The following FAM53B variants were observed in gnomAD, a reference collection of about 807,000 sequenced individuals.
FAM53B encodes the protein family with sequence similarity 53 member B.
A neutral mutation model predicts 32.7 loss-of-function variants in FAM53B; 12 were observed. That is an observed-to-expected ratio of 0.37 (90% CI 0.24 to 0.59). The LOEUF (loss-of-function observed/expected upper bound fraction) is 0.59. Among genes scored for constraint, FAM53B ranks in the 20% least tolerant of loss-of-function variants. The pLI, the probability that FAM53B is intolerant of heterozygous loss-of-function variation, is 0.72. For synonymous variants in FAM53B, 234 were observed against 228.7 expected (o/e 1.02, Z -0.21); for missense variants, 477 against 577.7 (o/e 0.83, Z 1.79).
At position 124,646,511 on chromosome 10, in the gene FAM53B, C is replaced by T. The variant is rs1949516222; in HGVS notation, c.907-22907G>A. 3.3e-5 allele frequency among the ~76,000 whole-genome samples: 5 copies of T among 152,344 alleles called. No individual in the cohort carries two copies. In the South Asian group the frequency reaches 1.0e-3, roughly 32 times the overall value. On this transcript the variant is annotated intron_variant, in intron 4 of 4. Transcript: ENST00000337318. Reference sequence around the variant, plus strand: ...GGCCCTCCCATTGCTGTGCCGGCGCCTTCTGTTTCCTCCCTGGTCTTTTTG... The same window carrying T: ...GGCCCTCCCATTGCTGTGCCGGCGCTTTCTGTTTCCTCCCTGGTCTTTTTG...
At chr10:124,673,434 A>G (rs994170984) in intron 4 of FAM53B, among the ~76,000 whole-genome samples, 2 of 152,106 alleles carry the variant, frequency 1.3e-5, no homozygotes, top group Admixed American at 6.5e-5. Flanking sequence ...AACCCTATAT[A>G]CTAGAACAGG....
chr10:124,677,608 G>A (rs777854138), intron 4 of FAM53B, among the ~76,000 whole-genome samples: 3 of 152,218 alleles, frequency 2.0e-5, no homozygotes, highest in African/African-American at 7.2e-5. Flanking sequence ...CAGCCTCCCC[G>A]ACTCAGGATC....
chr10:124,703,046 T>C (rs563688838), intron 2 of FAM53B, among the ~76,000 whole-genome samples: 2 of 152,196 alleles, frequency 1.3e-5, no homozygotes, highest in South Asian at 2.1e-4. Flanking sequence ...GCAGGTGCCA[T>C]ACTTTTTTTT....
chr10:124,675,879 G>GAGGGGATT (rs1271844232), intron 4 of FAM53B, among the ~76,000 whole-genome samples: 1 of 152,244 alleles, frequency 6.6e-6, no homozygotes, highest in Non-Finnish European at 1.5e-5. Context: ...ATCCTCAAGT[G>GAGGGGATT]AGGGGATTAG....
At position 124,680,354 on chromosome 10, in the gene FAM53B, G is replaced by A. The variant is rs191355408; in HGVS notation, c.906+1253C>T. On this transcript the variant is annotated intron_variant, in intron 4 of 4. Transcript: ENST00000337318. ...CCAGTGCCCAGGCTCTTGAACAAAG[G>A]TGGCCAGAAAGTTTGGACTCTGGGG... Among the ~76,000 whole-genome samples the A allele has an allele frequency of 2.1e-4, 32 of 152,314 alleles. No individual in the cohort carries two copies. The East Asian group carries it at 3.7e-3, about 17-fold the overall frequency.
At chr10:124,714,567 T>C (rs1950026971) in intron 1 of FAM53B, among the ~76,000 whole-genome samples, 1 of 151,796 alleles carries the variant, frequency 6.6e-6, no homozygotes, top group South Asian at 2.1e-4. Context: ...GAGACCATCC[T>C]GGCTAACACG....
rs749723097 is a variant in FAM53B at position 124,622,964 on chromosome 10, C to T, written c.*278G>A. The T allele has an allele frequency of 1.4e-4, 58 of 400,668 alleles. No individual in the cohort carries two copies. The highest frequency in any genetic ancestry group is 2.1e-4 in the Admixed American group (5 of 23,788). 24.8% of individuals were successfully genotyped at this position (400,668 alleles called of 1,614,324 possible). ...CCCACAGGGAAAGAGGCAGAAAAGA[C>T]GCAAACTTCAAAGCTGTCCTCTGGG... On this transcript the variant is annotated 3_prime_UTR_variant, in exon 5 of 5. Transcript: ENST00000337318.
chr10:124,629,527 A>G (rs1480791010), intron 4 of FAM53B, among the ~76,000 whole-genome samples: 1 of 152,240 alleles, frequency 6.6e-6, no homozygotes, highest in Non-Finnish European at 1.5e-5. Flanking sequence ...GCTGGTCCCC[A>G]GCCTGGCCTG....
intron 2 of FAM53B, among the ~76,000 whole-genome samples, chr10:124,702,452 G>C (rs549916192): frequency 5.3e-5 from 8 of 152,188 alleles, no homozygotes; most frequent in Non-Finnish European, 1.0e-4. Context: ...ACTAGACTAA[G>C]ATTATTTTCA....
At chr10:124,728,239 A>G (rs1172658039) in intron 1 of FAM53B, among the ~76,000 whole-genome samples, 3 of 152,238 alleles carry the variant, frequency 2.0e-5, no homozygotes, top group Non-Finnish European at 4.4e-5. Flanking sequence ...GCAGACCCAT[A>G]CAACTCCCAA....
At chr10:124,644,824 C>G (rs1228949698) in intron 4 of FAM53B, among the ~76,000 whole-genome samples, 1 of 152,192 alleles carries the variant, frequency 6.6e-6, no homozygotes, top group East Asian at 1.9e-4. Context: ...CCTGCTCTGA[C>G]AGGTAGGCTG....
intron 1 of FAM53B, 36 bp from the exon 2 acceptor site, chr10:124,706,923 C>G: frequency 7.0e-7 from 1 of 1,419,900 alleles, no homozygotes; most frequent in Non-Finnish European, 9.2e-7. Context: ...AGATTCAGGA[C>G]TAAGAAAGAC....
intron 2 of FAM53B, among the ~76,000 whole-genome samples, chr10:124,697,352 G>A (rs753782787): frequency 6.6e-6 from 1 of 152,146 alleles, no homozygotes; most frequent in African/African-American, 2.4e-5. Context: ...AAGACTTCCA[G>A]GCTGGTAAGT....
At position 124,668,377 on chromosome 10, in the gene FAM53B, T is replaced by C. The variant is rs1197935011; in HGVS notation, c.906+13230A>G. On this transcript the variant is annotated intron_variant, in intron 4 of 4. Coordinates refer to ENST00000337318, the MANE Select transcript of FAM53B (RefSeq NM_014661.4). ...GCAGGGTATTTATTCCCATGTTTAT[T>C]TGCCATCAATTCTCAGAAAATTCTG... Among the ~76,000 whole-genome samples, 3 of 152,270 alleles carry C rather than the reference T, an allele frequency of 2.0e-5. No homozygotes were observed. In the East Asian group the frequency reaches 5.8e-4, roughly 29 times the overall value.
chr10:124,682,071 T>C lies in FAM53B; in HGVS notation c.442A>G (p.Ser148Gly). The C allele has an allele frequency of 6.2e-7, 1 of 1,613,786 alleles. No homozygotes were observed. Among genetic ancestry groups the C allele is most frequent in the Non-Finnish European group, 8.5e-7 (1 of 1,179,844 alleles). The change falls in exon 4 of 5, where the codon AGC becomes GGC. Residue 148 changes from serine (S) to glycine (G), a missense_variant. Coordinates refer to ENST00000337318, the MANE Select transcript of FAM53B (RefSeq NM_014661.4). This position sits in a 1 kb window ranked among gnomAD's most constrained non-coding sequence, Gnocchi z 5.2. ...WTPVEKRRCY[S>G]GGSVQRYSNG... ...GAATAGCGCTGGACGCTGCCCCCGC[T>C]GTAGCAGCGTCTCTTTTCCACGGGA...
intron 4 of FAM53B, among the ~76,000 whole-genome samples, chr10:124,626,396 C>A (rs576751926): frequency 6.8e-6 from 1 of 146,692 alleles, no homozygotes; most frequent in African/African-American, 2.5e-5. Context: ...GTGCCCCCCC[C>A]CCCCCCACCA....
intron 1 of FAM53B, among the ~76,000 whole-genome samples, chr10:124,739,352 A>C (rs1950188371): frequency 1.3e-5 from 2 of 152,258 alleles, no homozygotes; most frequent in South Asian, 4.1e-4. Context: ...AGAATTAGAG[A>C]GTGTATACAA....
chr10:124,636,816 GTCTGCAGT>G (rs1949435103), intron 4 of FAM53B, among the ~76,000 whole-genome samples: 2 of 151,876 alleles, frequency 1.3e-5, no homozygotes, highest in South Asian at 4.2e-4. Flanking sequence ...TGGGCCAGGT[GTCTGCAGT>G]TCTGATGTCT....
At chr10:124,693,286 A>G (rs1343988961) in intron 3 of FAM53B, among the ~76,000 whole-genome samples, 2 of 152,108 alleles carry the variant, frequency 1.3e-5, no homozygotes, top group Non-Finnish European at 2.9e-5. Flanking sequence ...CCTGGCCAAC[A>G]TGGTGAAACC....
Sources: gnomAD v4.1 joint callset for allele counts (sites outside exome capture counted in the v4.1 genomes callset) on GRCh38, gnomAD v4.1.1 for gene constraint, Gnocchi (gnomAD v3.1) non-coding constraint, MANE v1.5 for transcripts, NCBI Gene and HGNC (gene_info 2026-07-23, HGNC 2026-07-21) for gene names.